Variants in CACNA2D3 observed in about 807,000 individuals in gnomAD.
CACNA2D3 encodes voltage-dependent calcium channel subunit alpha-2/delta-3.
Under a neutral mutation model 160.6 loss-of-function variants are expected in CACNA2D3, and 60 were observed. That is an observed-to-expected ratio of 0.37 (90% CI 0.30 to 0.46). The LOEUF is 0.46. Ranked by LOEUF, CACNA2D3 falls within the 20% of genes least tolerant of loss-of-function variation. The probability of loss-of-function intolerance (pLI) is 1.00; values close to 1 mark genes in which losing one functional copy is unlikely to be tolerated. For missense variants in CACNA2D3, 1,205 were observed against 1,365.0 expected (o/e 0.88, Z 1.85); for synonymous variants, 558 against 492.9 (o/e 1.13, Z -1.75).
At chr3:54,994,941 G>C (rs893702550) in intron 31 of CACNA2D3, among the ~76,000 whole-genome samples, 7 of 152,218 alleles carry the variant, frequency 4.6e-5, no homozygotes, top group Non-Finnish European at 8.8e-5. Context: ...TCTGCCTTAA[G>C]AGATAGAGAA....
intron 31 of CACNA2D3, among the ~76,000 whole-genome samples, chr3:55,002,157 CAAAAA>C (rs543053532): frequency 1.1e-5 from 1 of 93,972 alleles, no homozygotes. Context: ...GACTCCATAT[CAAAAA>C]AAAAAAAAAA....
intron 2 of CACNA2D3, among the ~76,000 whole-genome samples, chr3:54,229,915 C>T (rs1310628931): frequency 1.3e-5 from 2 of 152,150 alleles, no homozygotes; most frequent in Admixed American, 6.5e-5. Flanking sequence ...CTTCCCTTCT[C>T]ATCTTGTTGT....
intron 11 of CACNA2D3, among the ~76,000 whole-genome samples, chr3:54,690,675 G>T (rs1247987851): frequency 6.6e-6 from 1 of 152,124 alleles, no homozygotes; most frequent in African/African-American, 2.4e-5. Context: ...TAACAGAATT[G>T]TATCTGACTG....
chr3:54,939,369 C>A (rs977342435), intron 27 of CACNA2D3, among the ~76,000 whole-genome samples: 10 of 152,232 alleles, frequency 6.6e-5, no homozygotes, highest in Non-Finnish European at 1.2e-4. Flanking sequence ...ATCTGCCGGA[C>A]TTCAAAGCCT....
intron 14 of CACNA2D3, among the ~76,000 whole-genome samples, chr3:54,818,260 C>T (rs986818134): frequency 2.0e-5 from 3 of 152,178 alleles, no homozygotes; most frequent in Admixed American, 1.3e-4. Flanking sequence ...TCTCGGCTCA[C>T]GCAATCTCCA....
At position 54,569,789 on chromosome 3, in the gene CACNA2D3, T is replaced by G; in HGVS notation, c.677-6T>G. 10 of 1,589,216 alleles carry G rather than the reference T, an allele frequency of 6.3e-6. No individual in the cohort carries two copies. Among genetic ancestry groups the G allele is most frequent in the Non-Finnish European group, 8.6e-6 (10 of 1,166,158 alleles). ...TGGGTTTCTCATAACCCCATTTTTC[T>G]TCTAGGGATTAAATGGGAACCAGAT... On this transcript the variant is annotated splice_region_variant and splice_polypyrimidine_tract_variant and intron_variant, in intron 6 of 37. Transcript: ENST00000474759.
chr3:54,254,018 G>A (rs1035022524), intron 2 of CACNA2D3, among the ~76,000 whole-genome samples: 5 of 152,154 alleles, frequency 3.3e-5, no homozygotes, highest in Non-Finnish European at 5.9e-5. Context: ...AGCCGCCTCA[G>A]CCTCCCAAAG....
intron 10 of CACNA2D3, among the ~76,000 whole-genome samples, chr3:54,641,212 G>C (rs145955531): frequency 1.9e-3 from 291 of 152,282 alleles, no homozygotes; most frequent in African/African-American, 6.7e-3. Flanking sequence ...TGAAGTTACA[G>C]GCAAAGACAT....
chr3:54,252,551 AAT>A (rs1702214029), intron 2 of CACNA2D3, among the ~76,000 whole-genome samples: 1 of 152,182 alleles, frequency 6.6e-6, no homozygotes, highest in Non-Finnish European at 1.5e-5. Context: ...AGTCTCTTAA[AAT>A]TAGAATTGTG....
At chr3:54,496,713 C>T (rs924840763) in intron 4 of CACNA2D3, among the ~76,000 whole-genome samples, 1 of 152,108 alleles carries the variant, frequency 6.6e-6, no homozygotes, top group East Asian at 1.9e-4. Context: ...CAACGCCTAC[C>T]TGGAGGCCAT....
At chr3:54,585,423 G>C (rs1575361609) in intron 9 of CACNA2D3, among the ~76,000 whole-genome samples, 1 of 152,108 alleles carries the variant, frequency 6.6e-6, no homozygotes, top group East Asian at 1.9e-4. Flanking sequence ...ATGAGAAACA[G>C]AGGAATTAGA....
chr3:54,122,972 C>T (rs1699505764), intron 1 of CACNA2D3, 137 bp downstream of exon 1: 5 of 803,988 alleles, frequency 6.2e-6, no homozygotes, highest in Non-Finnish European at 8.1e-6. Context: ...ACCTGCCTTT[C>T]GGGACCCGCG....
intron 27 of CACNA2D3, among the ~76,000 whole-genome samples, chr3:54,902,202 A>G (rs1192658062): frequency 1.3e-5 from 2 of 151,688 alleles, no homozygotes; most frequent in African/African-American, 4.8e-5. Flanking sequence ...ATTATCAAGG[A>G]CTCCTTGGAA....
chr3:54,503,336 A>C (rs1701322004), intron 4 of CACNA2D3, among the ~76,000 whole-genome samples, 156 bp from the exon 5 acceptor site: 1 of 152,222 alleles, frequency 6.6e-6, no homozygotes, highest in South Asian at 2.1e-4. Context: ...ACCCATGCAA[A>C]AGCAGCCATG....
chr3:54,907,280 T>C (rs1196213834), intron 27 of CACNA2D3, among the ~76,000 whole-genome samples: 1 of 152,186 alleles, frequency 6.6e-6, no homozygotes, highest in East Asian at 1.9e-4. Flanking sequence ...CCCTGTGCCT[T>C]CCTTTTCACA....
chr3:54,139,066 G>T (rs894359676), intron 2 of CACNA2D3, among the ~76,000 whole-genome samples: 6 of 152,178 alleles, frequency 3.9e-5, no homozygotes, highest in African/African-American at 1.4e-4. Flanking sequence ...GGGGATCTGG[G>T]GCAGCTCGCT....
chr3:54,334,259 G>C (rs1704327880), intron 3 of CACNA2D3, among the ~76,000 whole-genome samples: 1 of 152,024 alleles, frequency 6.6e-6, no homozygotes, highest in African/African-American at 2.4e-5. Context: ...GCTAATTTTT[G>C]TATTTTCAGT....
At chr3:54,288,500 G>A (rs1166390476) in intron 2 of CACNA2D3, among the ~76,000 whole-genome samples, 3 of 152,160 alleles carry the variant, frequency 2.0e-5, no homozygotes, top group Admixed American at 2.0e-4. Context: ...AGTACAAAGA[G>A]GAGCTGGTAC....
At chr3:54,361,335 T>C (rs977477553) in intron 3 of CACNA2D3, among the ~76,000 whole-genome samples, 1 of 152,094 alleles carries the variant, frequency 6.6e-6, no homozygotes, top group African/African-American at 2.4e-5. Flanking sequence ...GCTAGGCTGG[T>C]GGGCTGTGTC....
Sources: gnomAD v4.1 joint callset for allele counts (sites outside exome capture counted in the v4.1 genomes callset) on GRCh38, gnomAD v4.1.1 for gene constraint, MANE v1.5 for transcripts, NCBI Gene and HGNC (gene_info 2026-07-23, HGNC 2026-07-21) for gene names.